The following GSE1 variants were observed in gnomAD, a reference collection of about 807,000 sequenced individuals.
The protein encoded by GSE1 is genetic suppressor element 1.
A neutral mutation model predicts 112.6 loss-of-function variants in GSE1; 32 were observed. That is an observed-to-expected ratio of 0.28 (90% confidence interval 0.21 to 0.38). The LOEUF (loss-of-function observed/expected upper bound fraction) is 0.38. Among genes scored for constraint, GSE1 ranks in the 10% least tolerant of loss-of-function variants. The pLI, the probability that GSE1 is intolerant of heterozygous loss-of-function variation, is 1.00. For missense variants in GSE1, 2,348 were observed against 1,699.2 expected (o/e 1.38, Z -6.71); for synonymous variants, 1,115 against 735.6 (o/e 1.52, Z -8.35).
chr16:85,507,484 G>C (rs1308520572), intron 2 of GSE1, among the ~76,000 whole-genome samples: 2 of 152,234 alleles, frequency 1.3e-5, no homozygotes, highest in Non-Finnish European at 2.9e-5. Context: ...GCATTCTTCT[G>C]TTGGGGCTGC....
intron 1 of GSE1, among the ~76,000 whole-genome samples, chr16:85,564,775 G>A (rs1379640622): frequency 2.0e-5 from 3 of 152,184 alleles, no homozygotes; most frequent in African/African-American, 4.8e-5. Context: ...GAGCCTGTGC[G>A]GAAGGGGTAG....
chr16:85,517,867 G>A (rs993849700), intron 2 of GSE1, among the ~76,000 whole-genome samples: 22 of 152,390 alleles, frequency 1.4e-4, no homozygotes, highest in African/African-American at 2.4e-4. Flanking sequence ...GCGGAGCCGC[G>A]TGGTCGCGAA....
chr16:85,640,433 T>G (rs1341521228), intron 2 of GSE1, among the ~76,000 whole-genome samples: 1 of 152,216 alleles, frequency 6.6e-6, no homozygotes, highest in East Asian at 1.9e-4. Flanking sequence ...TCTCTTGTCA[T>G]CGAGGCCCGC....
chr16:85,247,849 A>G (rs1033503638), intron 1 of GSE1, among the ~76,000 whole-genome samples: 11 of 152,196 alleles, frequency 7.2e-5, no homozygotes, highest in African/African-American at 2.7e-4. Context: ...CCCGTTCTGA[A>G]CAGTGGCACA....
chr16:85,590,914 G>A (rs1027859612), intron 1 of GSE1, among the ~76,000 whole-genome samples: 2 of 152,034 alleles, frequency 1.3e-5, no homozygotes, highest in East Asian at 1.9e-4. Flanking sequence ...AGCTTGGGCC[G>A]CACTCGGTGC....
In GSE1 at chr16:85,439,013, C is replaced by T. The variant is rs368247043; in HGVS notation, c.2464+81370C>T. 3.0e-4 allele frequency among the ~76,000 whole-genome samples: 46 copies of T among 152,336 alleles called. 1 individual carries two copies. In the East Asian group the frequency reaches 5.4e-3, roughly 18 times the overall value. On this transcript the variant is annotated intron_variant, in intron 2 of 2. Transcript: ENST00000637419. ...TGTGATCAGAGTCAACCTCCCCACA[C>T]GGTGAGGCAAAGCCAAGATCACCCA...
chr16:85,477,863 G>C (rs1276039189), intron 2 of GSE1, among the ~76,000 whole-genome samples: 1 of 151,926 alleles, frequency 6.6e-6, no homozygotes, highest in Non-Finnish European at 1.5e-5. Context: ...CCCGGCCTAG[G>C]GTTTTGTTTT....
At position 85,661,309 on chromosome 16, in the gene GSE1, A is replaced by G; in HGVS notation, c.1804A>G (p.Ser602Gly). The G allele has an allele frequency of 1.2e-6, 2 of 1,612,700 alleles. No homozygotes were observed. Among genetic ancestry groups the G allele is most frequent in the South Asian group, 2.2e-5 (2 of 91,052 alleles). The change falls in exon 9 of 16, where the codon AGC becomes GGC. Residue 602 changes from serine to glycine, a missense_variant. Transcript: ENST00000253458. ...DNTLETRRAE[S>G]HSLHSHPAAF... ...CACCTTGGAGACGCGGCGGGCCGAA[A>G]GCCACTCTCTGCACAGCCACCCGGC...
At chr16:85,248,350 CTGTCTTTCTCTCTCCTTT>C (rs1426753445) in intron 1 of GSE1, among the ~76,000 whole-genome samples, 1 of 152,154 alleles carries the variant, frequency 6.6e-6, no homozygotes, top group Non-Finnish European at 1.5e-5. Flanking sequence ...CTCAGTAGCT[CTGTCTTTCTCTCTCCTTT>C]TGTCTATCTC....
At chr16:85,461,493 G>A (rs2049965846) in intron 2 of GSE1, among the ~76,000 whole-genome samples, 1 of 152,134 alleles carries the variant, frequency 6.6e-6, no homozygotes, top group African/African-American at 2.4e-5. Flanking sequence ...TTGGTCTGGG[G>A]GCAGGCCCAC....
chr16:85,240,465 C>T (rs1448466980), intron 1 of GSE1, among the ~76,000 whole-genome samples: 1 of 152,256 alleles, frequency 6.6e-6, no homozygotes, highest in Non-Finnish European at 1.5e-5. Flanking sequence ...AACGTCTCTC[C>T]TGGGGCTGCT....
At chr16:85,402,661 C>T (rs1028111388) in intron 2 of GSE1, among the ~76,000 whole-genome samples, 1 of 151,240 alleles carries the variant, frequency 6.6e-6, no homozygotes, top group Non-Finnish European at 1.5e-5. Context: ...GTGGCTCACA[C>T]CTGTAATCCT....
At chr16:85,288,330 G>T (rs1165003916) in intron 1 of GSE1, among the ~76,000 whole-genome samples, 1 of 152,230 alleles carries the variant, frequency 6.6e-6, no homozygotes, top group African/African-American at 2.4e-5. Context: ...TGACCCTGAA[G>T]TCACTCTGGG....
rs1203723384 is a variant in GSE1 at position 85,429,733 on chromosome 16, C to T, written c.2464+72090C>T. Among the ~76,000 whole-genome samples the T allele has an allele frequency of 3.9e-5, 6 of 152,238 alleles. No homozygotes were observed. In the East Asian group the frequency reaches 5.8e-4, roughly 15 times the overall value. On this transcript the variant is annotated intron_variant, in intron 2 of 2. Coordinates refer to the GSE1 transcript ENST00000637419. Reference sequence around the variant, plus strand: ...CCCCCACTGTTCCCTCTGCCTGGAACGCTGCTCCCACCTGCACAGCCCTGC... The same window carrying T: ...CCCCCACTGTTCCCTCTGCCTGGAATGCTGCTCCCACCTGCACAGCCCTGC...
chr16:85,200,317 C>G (rs2075004608), intron 1 of GSE1, among the ~76,000 whole-genome samples: 1 of 151,514 alleles, frequency 6.6e-6, no homozygotes, highest in Admixed American at 6.6e-5. Flanking sequence ...GCTCGCCAAC[C>G]TCACCTTTAT....
At chr16:85,192,290 C>G (rs1034417251) in intron 1 of GSE1, among the ~76,000 whole-genome samples, 1 of 152,248 alleles carries the variant, frequency 6.6e-6, no homozygotes, top group African/African-American at 2.4e-5. Context: ...CCCTTGCTAG[C>G]TGTGCGTTCT....
chr16:85,361,249 CAG>C (rs1396032429), intron 2 of GSE1, among the ~76,000 whole-genome samples: 1 of 137,338 alleles, frequency 7.3e-6, no homozygotes, highest in Non-Finnish European at 1.5e-5. Flanking sequence ...TAGACAGGCA[CAG>C]ACCCCCCACA....
intron 1 of GSE1, among the ~76,000 whole-genome samples, chr16:85,251,685 G>A (rs1906500982): frequency 6.6e-6 from 1 of 152,234 alleles, no homozygotes; most frequent in South Asian, 2.1e-4. Context: ...TCTTTCACAC[G>A]CAGGCCTCTG....
chr16:85,505,021 A>ACGC (rs5818539), intron 2 of GSE1, among the ~76,000 whole-genome samples: 87,619 of 151,696 alleles, frequency 0.58, 25,779 homozygotes, highest in South Asian at 0.68. Context: ...ACACATGTGC[A>ACGC]CGCACACACA....
Sources: gnomAD v4.1 joint callset for allele counts (sites outside exome capture counted in the v4.1 genomes callset) on GRCh38, gnomAD v4.1.1 for gene constraint, MANE v1.5 for transcripts, NCBI Gene and HGNC (gene_info 2026-07-23, HGNC 2026-07-21) for gene names.